CA10: variants seen among roughly 807,000 people sequenced by gnomAD.
CA10 encodes carbonic anhydrase 10 (inactive), also known as carbonic anhydrase-related protein 10.
In CA10, 14 loss-of-function variants were observed where a neutral mutation model predicts 44.2. That is an observed-to-expected ratio of 0.32 (90% CI 0.21 to 0.50). CA10 has a LOEUF of 0.50. CA10 is among the 20% of genes least tolerant of loss of function. The pLI, the probability that CA10 is intolerant of heterozygous loss-of-function variation, is 0.99. For missense variants in CA10, 350 were observed against 409.7 expected, an observed-to-expected ratio of 0.85 and a Z score of 1.26; for synonymous variants, 159 against 141.6, an observed-to-expected ratio of 1.12 and a Z score of -0.87.
intron 3 of CA10, among the ~76,000 whole-genome samples, chr17:51,784,931 G>A (rs1258849870): frequency 6.6e-6 from 1 of 152,092 alleles, no homozygotes; most frequent in Non-Finnish European, 1.5e-5. Context: ...CCCCCACTAT[G>A]CTTCCCAGCT....
At chr17:51,696,664 G>C (rs1036619468) in intron 4 of CA10, among the ~76,000 whole-genome samples, 5 of 152,008 alleles carry the variant, frequency 3.3e-5, no homozygotes, top group African/African-American at 7.3e-5. Flanking sequence ...AGTTCCTCTA[G>C]GTGTGATGTT....
At chr17:51,875,563 A>G (rs1980033652) in intron 3 of CA10, among the ~76,000 whole-genome samples, 1 of 152,196 alleles carries the variant, frequency 6.6e-6, no homozygotes, top group South Asian at 2.1e-4. Flanking sequence ...TCTGGGTTCT[A>G]TTCTTTATAC....
At chr17:51,731,174 G>T (rs1916701820) in intron 4 of CA10, among the ~76,000 whole-genome samples, 1 of 152,090 alleles carries the variant, frequency 6.6e-6, no homozygotes, top group Non-Finnish European at 1.5e-5. Flanking sequence ...GTCAAGAGAT[G>T]GAGACCATCG....
chr17:51,992,058 T>C (rs918278216), intron 2 of CA10, among the ~76,000 whole-genome samples: 4 of 152,108 alleles, frequency 2.6e-5, no homozygotes, highest in Non-Finnish European at 5.9e-5. Context: ...TTTTCATGAA[T>C]GTTGACATTC....
chr17:52,025,713 T>C (rs1191345397), intron 2 of CA10, among the ~76,000 whole-genome samples: 2 of 152,114 alleles, frequency 1.3e-5, no homozygotes, highest in Non-Finnish European at 2.9e-5. Context: ...TAACTTAAGA[T>C]ATTTTTGATT....
chr17:51,784,280 T>A (rs189335202), intron 3 of CA10, among the ~76,000 whole-genome samples: 256 of 152,204 alleles, frequency 1.7e-3, no homozygotes, highest in African/African-American at 5.4e-3. Context: ...GAGCACGCCA[T>A]CCAGCTGCTG....
At chr17:52,092,035 T>C (rs966472797) in intron 1 of CA10, among the ~76,000 whole-genome samples, 1 of 152,298 alleles carries the variant, frequency 6.6e-6, no homozygotes, top group East Asian at 1.9e-4. Flanking sequence ...GTGGGAGGGA[T>C]GAGTTAAAAC....
chr17:51,931,818 T>G (rs1982674991), intron 2 of CA10, among the ~76,000 whole-genome samples: 1 of 152,202 alleles, frequency 6.6e-6, no homozygotes, highest in South Asian at 2.1e-4. Context: ...ATTTTCAGTG[T>G]CACATGAAAA....
chr17:51,824,841 G>T (rs1434999092), intron 3 of CA10, among the ~76,000 whole-genome samples: 1 of 152,218 alleles, frequency 6.6e-6, no homozygotes, highest in East Asian at 1.9e-4. Flanking sequence ...ATATACCACT[G>T]TGTGACATCT....
At chr17:51,757,923 G>A (rs1905121347) in intron 3 of CA10, among the ~76,000 whole-genome samples, 1 of 152,078 alleles carries the variant, frequency 6.6e-6, no homozygotes, top group Non-Finnish European at 1.5e-5. Flanking sequence ...GGAGCTCGTA[G>A]GCTGGGGCTG....
chr17:51,681,310 T>C (rs1171098471), intron 4 of CA10, among the ~76,000 whole-genome samples: 1 of 152,218 alleles, frequency 6.6e-6, no homozygotes, highest in African/African-American at 2.4e-5. Context: ...AGTTTCCATC[T>C]CTCTTTGCTT....
chr17:52,092,134 C>G (rs1429098608), intron 1 of CA10, among the ~76,000 whole-genome samples: 1 of 152,128 alleles, frequency 6.6e-6, no homozygotes, highest in Non-Finnish European at 1.5e-5. Flanking sequence ...CTGTTTCTCC[C>G]TCTTCGTGTG....
At chr17:51,663,757 A>T (rs1914100572) in intron 4 of CA10, among the ~76,000 whole-genome samples, 1 of 152,198 alleles carries the variant, frequency 6.6e-6, no homozygotes, top group Admixed American at 6.5e-5. Context: ...TGATAAAGGG[A>T]GAGGCCCTAG....
At chr17:51,871,326 G>T (rs997269322) in intron 3 of CA10, among the ~76,000 whole-genome samples, 2 of 150,998 alleles carry the variant, frequency 1.3e-5, no homozygotes, top group Non-Finnish European at 2.9e-5. Context: ...TCGCCTCCCA[G>T]GTTCAAGCGA....
intron 3 of CA10, among the ~76,000 whole-genome samples, chr17:51,849,692 G>A (rs1978703074): frequency 6.6e-6 from 1 of 152,180 alleles, no homozygotes; most frequent in African/African-American, 2.4e-5. Flanking sequence ...CTTGGTGGAT[G>A]TGCATTTCTT....
intron 1 of CA10, among the ~76,000 whole-genome samples, chr17:52,125,034 C>G (rs112857928): frequency 2.6e-5 from 4 of 152,222 alleles, no homozygotes; most frequent in African/African-American, 9.6e-5. Flanking sequence ...ATACACATCA[C>G]TGTCTGTCTC....
chr17:52,102,679 C>G (rs1452665577), intron 1 of CA10, among the ~76,000 whole-genome samples: 1 of 152,210 alleles, frequency 6.6e-6, no homozygotes, highest in Non-Finnish European at 1.5e-5. Context: ...CCCTCTTGGG[C>G]TTCTTCAGTG....
At chr17:51,835,818 T>C (rs899517168) in intron 3 of CA10, among the ~76,000 whole-genome samples, 1 of 152,238 alleles carries the variant, frequency 6.6e-6, no homozygotes, top group Non-Finnish European at 1.5e-5. Context: ...GCAGTGCTAG[T>C]GCTCAGTGCC....
chr17:51,850,890 A>G (rs1978764109), intron 3 of CA10, among the ~76,000 whole-genome samples: 1 of 152,196 alleles, frequency 6.6e-6, no homozygotes, highest in African/African-American at 2.4e-5. Flanking sequence ...GAGTGAATTC[A>G]TGGGAGTGCA....
Sources: gnomAD v4.1 joint callset for allele counts (sites outside exome capture counted in the v4.1 genomes callset) on GRCh38, gnomAD v4.1.1 for gene constraint, MANE v1.5 for transcripts, NCBI Gene and HGNC (gene_info 2026-07-23, HGNC 2026-07-21) for gene names.